The following MS4A3 variants were observed in gnomAD, a reference collection of about 807,000 sequenced individuals.
MS4A3 encodes membrane spanning 4-domains A3, also known as membrane-spanning 4-domains subfamily A member 3.
Under a neutral mutation model 24.7 loss-of-function variants are expected in MS4A3, and 18 were observed. The ratio of observed to expected loss-of-function variants is 0.73; its 90% CI spans 0.50 to 1.08. MS4A3 has a LOEUF of 1.08. Ranked by LOEUF, MS4A3 falls within the 50% of genes least tolerant of loss-of-function variation. MS4A3 has a pLI of 0.00. For synonymous variants in MS4A3, 84 were observed against 95.3 expected (o/e 0.88, Z 0.69); for missense variants, 282 against 251.7 (o/e 1.12, Z -0.82).
intron 5 of MS4A3, among the ~76,000 whole-genome samples, chr11:60,068,715 T>G (rs1855419747): frequency 1.3e-5 from 2 of 152,208 alleles, no homozygotes; most frequent in African/African-American, 4.8e-5. Flanking sequence ...TTTATTATTA[T>G]TATTATACTT....
intron 1 of MS4A3, among the ~76,000 whole-genome samples, chr11:60,058,734 C>T (rs569036067): frequency 5.3e-5 from 8 of 151,868 alleles, no homozygotes; most frequent in East Asian, 1.9e-4. Flanking sequence ...GAGACGTAGG[C>T]GAGAGATTAT....
At chr11:60,068,354 C>T (rs1855409172) in intron 5 of MS4A3, among the ~76,000 whole-genome samples, 1 of 148,664 alleles carries the variant, frequency 6.7e-6, no homozygotes. Flanking sequence ...ATTCTCCTGC[C>T]TCAGCCTCCC....
At chr11:60,060,657 G>A (rs560054315) in intron 1 of MS4A3, among the ~76,000 whole-genome samples, 6 of 152,004 alleles carry the variant, frequency 3.9e-5, no homozygotes, top group South Asian at 4.2e-4. Context: ...TCTGTGAAAC[G>A]GGAATAATAA....
At chr11:60,062,126 C>A (rs1464567907) in intron 2 of MS4A3, among the ~76,000 whole-genome samples, 1 of 152,088 alleles carries the variant, frequency 6.6e-6, no homozygotes, top group Non-Finnish European at 1.5e-5. Context: ...CTCTGTCTGC[C>A]TTCATCATAT....
rs1855370594 is a variant in MS4A3, at chr11:60,066,952, T to C, written c.353T>C (p.Ile118Thr). 1 of 1,588,202 alleles carries C rather than the reference T, an allele frequency of 6.3e-7. No homozygotes were observed. Among genetic ancestry groups the C allele is most frequent in the Non-Finnish European group, 8.5e-7 (1 of 1,173,376 alleles). Residue 118 changes from isoleucine to threonine, a missense_variant and splice_region_variant, in exon 5 of 7, where the codon ATA (isoleucine) becomes ACA (threonine). By Grantham distance (89) the Ile-to-Thr change is moderately conservative. Coordinates refer to ENST00000278865, the MANE Select transcript of MS4A3 (RefSeq NM_006138.5). ...VAGIKPTRTW[I>T]QNSFGMNIAS... ...TTGAAAATTCTTATTCTTTTTTAGA[T>C]ACAGAACAGTTTTGGAATGAACATT...
At chr11:60,070,124 T>G (rs1310283864) in intron 6 of MS4A3, 80 bp from the exon 7 acceptor site, 10 of 1,221,810 alleles carry the variant, frequency 8.2e-6, no homozygotes, top group Non-Finnish European at 1.2e-5. Flanking sequence ...TGTTGATGAT[T>G]ATGATGATAA....
In MS4A3 at chr11:60,070,534, C is replaced by G. The variant is rs969751825; in HGVS notation, c.*301C>G. On this transcript the variant is annotated 3_prime_UTR_variant, in exon 7 of 7. Transcript: ENST00000278865. ...TTGTTTCCAGAAATTGGTTCTATTT[C>G]TTCTTATCCACCTACTCCATTGCTT... The G allele has an allele frequency of 3.3e-6, 1 of 306,518 alleles. No homozygotes were observed. Among genetic ancestry groups the G allele is most frequent in the South Asian group, 6.1e-5 (1 of 16,440 alleles). 19.0% of individuals were successfully genotyped at this position (306,518 alleles called of 1,614,324 possible). A position where few individuals can be genotyped will look rare whatever the true frequency, so the allele number is the denominator to read the frequency against.
rs1855269190 is a variant in MS4A3 at position 60,061,254 on chromosome 11, T to G, written c.94T>G (p.Ser32Ala). 1 of 1,614,030 alleles carries G rather than the reference T, an allele frequency of 6.2e-7. No homozygotes were observed. Among genetic ancestry groups the G allele is most frequent in the Non-Finnish European group, 8.5e-7 (1 of 1,179,964 alleles). Residue 32 changes from serine to alanine, a missense_variant, in exon 2 of 7, where the codon TCT becomes GCT. Physicochemically the swap from Ser to Ala is moderately conservative, Grantham distance 99. Transcript: ENST00000278865. ...GGCGGGACCAGAAGAGCTGAATACTTCTGTCTACCAGCCCATAGATGGATC... is the reference window on the plus strand; with the variant it reads ...GGCGGGACCAGAAGAGCTGAATACTGCTGTCTACCAGCCCATAGATGGATC... ...SEAGPEELNTSVYQPIDGSPD... is the reference protein window; with the variant it reads ...SEAGPEELNTAVYQPIDGSPD...
intron 4 of MS4A3, among the ~76,000 whole-genome samples, chr11:60,065,386 C>T (rs1227908559): frequency 1.3e-5 from 2 of 151,990 alleles, no homozygotes; most frequent in Non-Finnish European, 2.9e-5. Context: ...TTACTGTTCT[C>T]AACTTAAAAA....
At chr11:60,066,647 T>A (rs1855365540) in intron 4 of MS4A3, among the ~76,000 whole-genome samples, 2 of 152,210 alleles carry the variant, frequency 1.3e-5, no homozygotes, top group South Asian at 4.1e-4. Context: ...CCCCCACTCC[T>A]CTCTTTGGAT....
Position 60,070,957 on chromosome 11 carries a change from A to G in MS4A3, c.*724A>G, listed in dbSNP as rs1358390528. 1 of 152,234 alleles carries G rather than the reference A, an allele frequency of 6.6e-6. No homozygotes were observed. Among genetic ancestry groups the G allele is most frequent in the South Asian group, 2.1e-4 (1 of 4,824 alleles). 9.4% of individuals were successfully genotyped at this position (152,234 alleles called of 1,614,324 possible). On this transcript the variant is annotated 3_prime_UTR_variant, in exon 7 of 7. Coordinates refer to ENST00000278865, the MANE Select transcript of MS4A3 (RefSeq NM_006138.5). ...TTAGAATCTGACACATCTGGGTTCA[A>G]ATTCTGAAACTGTCACTTATTACCT...
chr11:60,058,967 G>C (rs185065917), intron 1 of MS4A3, among the ~76,000 whole-genome samples: 2 of 152,232 alleles, frequency 1.3e-5, no homozygotes, highest in East Asian at 3.9e-4. Context: ...GTACAGTGTT[G>C]AACACGGGGG....
At chr11:60,064,068 T>TA (rs35091393) in intron 3 of MS4A3, among the ~76,000 whole-genome samples, 194 bp from the exon 4 acceptor site, 1 of 9,826 alleles carries the variant, frequency 1.0e-4, no homozygotes, top group South Asian at 5.8e-3. Context: ...ATGGAAAGAC[T>TA]AAATAAATAA....
intron 1 of MS4A3, among the ~76,000 whole-genome samples, chr11:60,059,158 T>G (rs1244878980): frequency 1.3e-5 from 2 of 152,192 alleles, no homozygotes; most frequent in African/African-American, 4.8e-5. Context: ...TGAATTTTTA[T>G]AGCAATTCCC....
chr11:60,068,326 G>C (rs3016836), intron 5 of MS4A3, among the ~76,000 whole-genome samples: 101 of 137,168 alleles, frequency 7.4e-4, no homozygotes, highest in Non-Finnish European at 1.0e-3. Context: ...TGCAAGCTCC[G>C]CCTCCTGGGT....
chr11:60,058,959 A>G (rs1483110350), intron 1 of MS4A3, among the ~76,000 whole-genome samples: 1 of 152,192 alleles, frequency 6.6e-6, no homozygotes, highest in African/African-American at 2.4e-5. Flanking sequence ...TGGGTTCTGT[A>G]CAGTGTTGAA....
intron 1 of MS4A3, among the ~76,000 whole-genome samples, chr11:60,057,550 G>A (rs964897866): frequency 4.6e-5 from 7 of 151,980 alleles, no homozygotes; most frequent in East Asian, 3.9e-4. Context: ...GATTACAGGC[G>A]CGTGCTGTCA....
At chr11:60,061,626 TCA>T in intron 2 of MS4A3, 2 of 336,968 alleles carry the variant, frequency 5.9e-6, no homozygotes, top group Non-Finnish European at 1.1e-5. Flanking sequence ...ATATAATATG[TCA>T]CATACAAAAT....
In MS4A3 at chr11:60,062,442, C is replaced by T. The variant is rs201176946; in HGVS notation, c.157-26C>T. Reference sequence around the variant, plus strand: ...TGTCCACTTTAGTATATGACTGTTACGCCTTTTTCCCCTTTCTTCTTTCAG... The same window carrying T: ...TGTCCACTTTAGTATATGACTGTTATGCCTTTTTCCCCTTTCTTCTTTCAG... On this transcript the variant is annotated intron_variant, in intron 2 of 6. Transcript: ENST00000278865. The T allele has an allele frequency of 7.1e-5, 114 of 1,613,586 alleles. No homozygotes were observed. In the Admixed American group the frequency reaches 1.4e-3, roughly 20 times the overall value.
Sources: allele counts gnomAD v4.1 joint callset (sites outside exome capture counted in the v4.1 genomes callset), GRCh38; gene constraint gnomAD v4.1.1; transcripts MANE v1.5; gene names NCBI Gene and HGNC (gene_info 2026-07-23, HGNC 2026-07-21).